FNDC3B: variants seen among roughly 807,000 people sequenced by gnomAD.
FNDC3B encodes the protein fibronectin type III domain containing 3B, also known as fibronectin type III domain-containing protein 3B.
In FNDC3B, 12 loss-of-function variants were observed where a neutral mutation model predicts 151.5. The observed-to-expected ratio is 0.08, with a 90% CI of 0.05 to 0.13. The LOEUF (loss-of-function observed/expected upper bound fraction) is 0.13, where lower values mean the gene tolerates loss of function less well. FNDC3B is among the 10% of genes least tolerant of loss of function. The pLI is 1.00. For missense variants in FNDC3B, 1,214 were observed against 1,505.3 expected (o/e 0.81, Z 3.20); for synonymous variants, 528 against 549.0 (o/e 0.96, Z 0.54).
intron 25 of FNDC3B, among the ~76,000 whole-genome samples, chr3:172,395,877 C>T (rs1470577604): frequency 4.6e-5 from 7 of 152,140 alleles, no homozygotes; most frequent in Non-Finnish European, 7.4e-5. Context: ...TGGTACCATT[C>T]GCACCCTCTA....
At chr3:172,394,463 A>G (rs1336441220) in intron 25 of FNDC3B, among the ~76,000 whole-genome samples, 4 of 152,216 alleles carry the variant, frequency 2.6e-5, no homozygotes, top group Non-Finnish European at 1.5e-5. Flanking sequence ...ATTTGAGACT[A>G]TTAGGAACAA....
At chr3:172,374,593 C>T (rs1735040285) in intron 23 of FNDC3B, among the ~76,000 whole-genome samples, 1 of 152,110 alleles carries the variant, frequency 6.6e-6, no homozygotes, top group East Asian at 1.9e-4. Context: ...TGGGGTTTCA[C>T]CATGCTGGCC....
At chr3:172,147,444 T>G (rs1230656371) in intron 3 of FNDC3B, among the ~76,000 whole-genome samples, 1 of 152,188 alleles carries the variant, frequency 6.6e-6, no homozygotes, top group Non-Finnish European at 1.5e-5. Flanking sequence ...TGCTTCCCTC[T>G]TTGTTCCCTT....
rs1560116243 is a variant in FNDC3B at position 172,397,210 on chromosome 3, C to A, written c.3350C>A (p.Thr1117Asn). The change falls in exon 26 of 26, where the codon ACC (threonine) becomes AAC (asparagine). Residue 1117 changes from threonine (T) to asparagine (N), a missense_variant. This residue lies in a region of FNDC3B where 284 missense variants were observed against 392.4 expected (regional missense o/e 0.72). Coordinates refer to ENST00000415807, the MANE Select transcript of FNDC3B (RefSeq NM_022763.4). ...EATFQISGLQ[T>N]NTDYRFRVCA... ...ACATTCCAAATCTCAGGCCTCCAGACCAACACAGACTACAGGTTCCGCGTA... is the reference window on the plus strand; with the variant it reads ...ACATTCCAAATCTCAGGCCTCCAGAACAACACAGACTACAGGTTCCGCGTA... The A allele has an allele frequency of 6.2e-7, 1 of 1,614,060 alleles. No homozygotes were observed. Among genetic ancestry groups the A allele is most frequent in the Non-Finnish European group, 8.5e-7 (1 of 1,179,940 alleles).
intron 15 of FNDC3B, 30 bp downstream of exon 15, chr3:172,335,112 T>A (rs574048042): frequency 6.6e-7 from 1 of 1,520,488 alleles, no homozygotes; most frequent in Admixed American, 2.4e-5. Flanking sequence ...CTACTGTTTT[T>A]TTTTTTTTTT....
intron 8 of FNDC3B, among the ~76,000 whole-genome samples, chr3:172,297,097 C>A (rs1730654207): frequency 6.6e-6 from 1 of 152,090 alleles, no homozygotes; most frequent in Non-Finnish European, 1.5e-5. Flanking sequence ...GAAGCAGTCA[C>A]CACTCAGCCT....
In FNDC3B at chr3:172,210,340, A is replaced by G. The variant is rs573994296; in HGVS notation, c.188-16531A>G. On this transcript the variant is annotated intron_variant, in intron 3 of 25. Coordinates refer to ENST00000415807, the MANE Select transcript of FNDC3B (RefSeq NM_022763.4). ...TCTTAAGAGTTCTGCATTTTTCCTT[A>G]ATTTTCTTTTTTTGTTTTCCTTTTT... Among the ~76,000 whole-genome samples the G allele has an allele frequency of 7.2e-5, 11 of 151,866 alleles. No homozygotes were observed. The South Asian group carries it at 2.3e-3, about 32-fold the overall frequency.
chr3:172,333,012 TA>T, intron 13 of FNDC3B, 76 bp from the exon 14 acceptor site: 1 of 910,296 alleles, frequency 1.1e-6, no homozygotes, highest in Non-Finnish European at 1.8e-6. Context: ...AAAGGCAGTA[TA>T]AAAATCCTGT....
At chr3:172,229,084 A>AACACACACACACACACAC (rs760446690) in intron 4 of FNDC3B, among the ~76,000 whole-genome samples, 5 of 117,786 alleles carry the variant, frequency 4.2e-5, no homozygotes, top group African/African-American at 1.6e-4. Context: ...GAAAGAAAGA[A>AACACACACACACACACAC]ACACACACAC....
At position 172,352,152 on chromosome 3, in the gene FNDC3B, G is replaced by A. The variant is rs1474266612; in HGVS notation, c.2515-651G>A. 6.6e-6 allele frequency among the ~76,000 whole-genome samples: 1 copy of A among 152,226 alleles called. No individual in the cohort carries two copies. Among genetic ancestry groups the A allele is most frequent in the African/African-American group, 2.4e-5 (1 of 41,448 alleles). ...AACCAGGAAAGGTGATTGAGAAGCA[G>A]CAGGAGGTAAGGTAGGAGGAGAAAT... On this transcript the variant is annotated intron_variant, in intron 21 of 25. Coordinates refer to ENST00000415807, the MANE Select transcript of FNDC3B (RefSeq NM_022763.4). The surrounding 1 kb of genome is among the most constrained non-coding windows in gnomAD (Gnocchi z 4.2).
At chr3:172,181,412 AAAC>A (rs1192322591) in intron 3 of FNDC3B, among the ~76,000 whole-genome samples, 24 of 145,026 alleles carry the variant, frequency 1.7e-4, no homozygotes, top group African/African-American at 5.3e-4. Context: ...AAAAAAAAAA[AAAC>A]AAAAAAAAAC....
intron 22 of FNDC3B, among the ~76,000 whole-genome samples, chr3:172,355,030 A>G (rs543673476): frequency 1.9e-4 from 29 of 152,140 alleles, no homozygotes; most frequent in Non-Finnish European, 3.7e-4. Context: ...GGGTGCTATT[A>G]TAGCAAACTA....
intron 3 of FNDC3B, among the ~76,000 whole-genome samples, chr3:172,154,225 C>CT (rs914003248): frequency 3.3e-5 from 5 of 151,126 alleles, no homozygotes; most frequent in African/African-American, 1.2e-4. Flanking sequence ...TTAATGGTTT[C>CT]TTTTTTTTTG....
At chr3:172,349,759 G>A (rs373918029) in intron 21 of FNDC3B, among the ~76,000 whole-genome samples, 63 of 152,156 alleles carry the variant, frequency 4.1e-4, no homozygotes, top group East Asian at 3.5e-3. Flanking sequence ...AGGTTCAAGC[G>A]ATTCTCCTGT....
chr3:172,171,274 C>T (rs571217677), intron 3 of FNDC3B, among the ~76,000 whole-genome samples: 2 of 151,952 alleles, frequency 1.3e-5, no homozygotes, highest in African/African-American at 4.8e-5. Flanking sequence ...ACACCTGGTT[C>T]AAAAGCATGT....
At position 172,398,818 on chromosome 3, in the gene FNDC3B, T is replaced by C. The variant is rs1254684668; in HGVS notation, c.*1343T>C. Reference sequence around the variant, plus strand: ...TTTGAGATCTTTGACCAACAGGTGCTATTGGAGTGCAAAGTGTTACTCTTA... The same window carrying C: ...TTTGAGATCTTTGACCAACAGGTGCCATTGGAGTGCAAAGTGTTACTCTTA... On this transcript the variant is annotated 3_prime_UTR_variant, in exon 26 of 26. Transcript: ENST00000415807. 1 of 152,656 alleles carries C rather than the reference T, an allele frequency of 6.6e-6. No individual in the cohort carries two copies. Among genetic ancestry groups the C allele is most frequent in the Non-Finnish European group, 1.5e-5 (1 of 68,036 alleles). The allele number at this position is 152,656 out of a possible 1,614,324, so 9.5% of individuals were successfully genotyped here. A position where few individuals can be genotyped will look rare whatever the true frequency, so the allele number is the denominator to read the frequency against.
At chr3:172,317,211 T>A (rs1348055049) in intron 11 of FNDC3B, 7 of 440,920 alleles carry the variant, frequency 1.6e-5, no homozygotes, top group Non-Finnish European at 2.7e-5. Context: ...TGAGACAGAG[T>A]CTTGCTCTGT....
intron 1 of FNDC3B, 122 bp from the exon 2 acceptor site, chr3:172,112,330 G>A: frequency 1.5e-6 from 1 of 661,932 alleles, no homozygotes; most frequent in Non-Finnish European, 2.8e-6. Flanking sequence ...ATAATACAGG[G>A]CTCTCAAATT....
At chr3:172,134,224 A>G (rs893550233) in intron 3 of FNDC3B, 5 of 409,682 alleles carry the variant, frequency 1.2e-5, no homozygotes, top group Admixed American at 2.7e-5. Context: ...TACAGCTCCT[A>G]GCACACTTCT....
Sources: gnomAD v4.1 joint callset for allele counts (sites outside exome capture counted in the v4.1 genomes callset) on GRCh38, gnomAD v4.1.1 for gene constraint, gnomAD v4.1.1 regional missense constraint, Gnocchi (gnomAD v3.1) non-coding constraint, MANE v1.5 for transcripts, NCBI Gene and HGNC (gene_info 2026-07-23, HGNC 2026-07-21) for gene names.